Variants in MPRIP observed in about 807,000 individuals in gnomAD.
MPRIP encodes the protein myosin phosphatase Rho-interacting protein.
MPRIP carries 59 observed loss-of-function variants against 234.9 expected under a neutral mutation model. The observed-to-expected ratio is 0.25, with a 90% CI of 0.20 to 0.31. The LOEUF is 0.31. Ranked by LOEUF, MPRIP falls within the 10% of genes least tolerant of loss-of-function variation. MPRIP has a pLI of 1.00. For synonymous variants in MPRIP, 1,144 were observed against 1,263.9 expected (o/e 0.91, Z 2.01); for missense variants, 2,436 against 3,071.0 (o/e 0.79, Z 4.89).
At chr17:17,146,916 T>G (rs1003745055) in intron 10 of MPRIP, among the ~76,000 whole-genome samples, 8 of 152,254 alleles carry the variant, frequency 5.3e-5, no homozygotes, top group Admixed American at 4.6e-4. Flanking sequence ...GGCCATGGCT[T>G]GCGGGCTGCC....
At chr17:17,077,795 C>A in intron 2 of MPRIP, 3 of 506,164 alleles carry the variant, frequency 5.9e-6, no homozygotes, top group Non-Finnish European at 7.2e-6. Flanking sequence ...GCCTCAATCA[C>A]TCATGTGATT....
Position 17,055,425 on chromosome 17 carries a change from A to G in MPRIP, c.123+12454A>G, listed in dbSNP as rs559016514. Among the ~76,000 whole-genome samples, 29 of 152,264 alleles carry G rather than the reference A, an allele frequency of 1.9e-4. No individual in the cohort carries two copies. The South Asian group carries it at 5.8e-3, about 30-fold the overall frequency. Reference sequence around the variant, plus strand: ...TCCCAAATCACTGGGTGGGTGGGAGATCTGGCCAGGACGTTTCGTGGCCCC... The same window carrying G: ...TCCCAAATCACTGGGTGGGTGGGAGGTCTGGCCAGGACGTTTCGTGGCCCC... On this transcript the variant is annotated intron_variant, in intron 1 of 23. Transcript: ENST00000651222.
At chr17:17,053,189 C>T (rs1326094998) in intron 1 of MPRIP, among the ~76,000 whole-genome samples, 2 of 152,082 alleles carry the variant, frequency 1.3e-5, no homozygotes, top group Admixed American at 6.5e-5. Context: ...TCCCACTTTT[C>T]ATTTCAGTGC....
chr17:17,178,923 A>T (rs1024141252), intron 22 of MPRIP, among the ~76,000 whole-genome samples: 2 of 151,578 alleles, frequency 1.3e-5, no homozygotes, highest in African/African-American at 2.4e-5. Flanking sequence ...TGCCTCAAAA[A>T]AAAAAGAAAA....
At chr17:17,147,296 A>G (rs1430866752) in intron 10 of MPRIP, 23 bp from the exon 11 acceptor site, 3 of 1,612,580 alleles carry the variant, frequency 1.9e-6, no homozygotes, top group African/African-American at 2.7e-5. Context: ...TAGTCGAGTC[A>G]TTTTTCTTTT....
chr17:17,183,186 T>G (rs2046408401), intron 23 of MPRIP: 1 of 152,272 alleles, frequency 6.6e-6, no homozygotes, highest in Non-Finnish European at 1.5e-5. Flanking sequence ...CTGTGACAAC[T>G]GCTTGAGGTG....
chr17:17,190,341 C>A lies in MPRIP; in HGVS notation c.*5447C>A, dbSNP rs1329347991. 6.6e-6 allele frequency: 1 copy of A among 152,270 alleles called. No homozygotes were observed. The highest frequency in any genetic ancestry group is 6.5e-5 in the Admixed American group (1 of 15,290). 9.4% of individuals were successfully genotyped at this position (152,270 alleles called of 1,614,324 possible). Reference sequence around the variant, plus strand: ...GCTACGGCAGGTTGTTCTGCAGCCACCCCTTAGAGGGGGCTCTTCGTTTTA... The same window carrying A: ...GCTACGGCAGGTTGTTCTGCAGCCAACCCTTAGAGGGGGCTCTTCGTTTTA... On this transcript the variant is annotated 3_prime_UTR_variant, in exon 24 of 24. Coordinates refer to ENST00000651222, the MANE Select transcript of MPRIP (RefSeq NM_001364716.4).
chr17:17,173,589 A>G (rs1213937954), intron 18 of MPRIP, among the ~76,000 whole-genome samples: 2 of 152,216 alleles, frequency 1.3e-5, no homozygotes, highest in Non-Finnish European at 2.9e-5. Flanking sequence ...GATGGCTTCA[A>G]AAGTGGGTTT....
chr17:17,070,719 C>T (rs1426746815), intron 1 of MPRIP, among the ~76,000 whole-genome samples: 2 of 152,316 alleles, frequency 1.3e-5, no homozygotes, highest in Admixed American at 1.3e-4. Flanking sequence ...TGGGATAATT[C>T]TAGCATGGCT....
intron 3 of MPRIP, among the ~76,000 whole-genome samples, chr17:17,095,741 C>G (rs971107155): frequency 6.6e-6 from 1 of 152,126 alleles, no homozygotes; most frequent in Non-Finnish European, 1.5e-5. Flanking sequence ...TCTGCCTGCC[C>G]TTGTACGGGT....
intron 1 of MPRIP, among the ~76,000 whole-genome samples, chr17:17,070,366 C>T (rs1028185798): frequency 1.6e-4 from 25 of 152,302 alleles, no homozygotes; most frequent in African/African-American, 5.3e-4. Flanking sequence ...CACCCTTCCT[C>T]CTATCCTGCA....
intron 9 of MPRIP, among the ~76,000 whole-genome samples, chr17:17,145,578 C>G (rs1779865692): frequency 6.6e-6 from 1 of 152,236 alleles, no homozygotes; most frequent in African/African-American, 2.4e-5. Flanking sequence ...GCAGCTGCTG[C>G]TTCCTCAACA....
chr17:17,062,912 TGTCTGAGTGCCA>T (rs2088910064), intron 1 of MPRIP, among the ~76,000 whole-genome samples: 1 of 152,254 alleles, frequency 6.6e-6, no homozygotes, highest in Non-Finnish European at 1.5e-5. Flanking sequence ...CGTGTGCTGC[TGTCTGAGTGCCA>T]GCTTTGTCCA....
rs980477067 is a variant in MPRIP, at chr17:17,160,553, T to G, written c.2401-687T>G. Among the ~76,000 whole-genome samples, 3 of 152,042 alleles carry G rather than the reference T, an allele frequency of 2.0e-5. No individual in the cohort carries two copies. The South Asian group carries it at 6.2e-4, about 32-fold the overall frequency. Reference sequence around the variant, plus strand: ...ACCTGGGAGGTGTGTAGGGAAGAGGTGGATGGATGAATGAGTAGCTGAAGC... The same window carrying G: ...ACCTGGGAGGTGTGTAGGGAAGAGGGGGATGGATGAATGAGTAGCTGAAGC... On this transcript the variant is annotated intron_variant, in intron 14 of 23. Coordinates refer to ENST00000651222, the MANE Select transcript of MPRIP (RefSeq NM_001364716.4).
intron 3 of MPRIP, among the ~76,000 whole-genome samples, chr17:17,102,980 A>T (rs982557513): frequency 1.8e-4 from 27 of 152,324 alleles, no homozygotes; most frequent in African/African-American, 6.5e-4. Flanking sequence ...TTGATGCTGC[A>T]TGCAGGCCTC....
chr17:17,047,893 A>G (rs2088405854), intron 1 of MPRIP, among the ~76,000 whole-genome samples: 1 of 152,130 alleles, frequency 6.6e-6, no homozygotes, highest in Non-Finnish European at 1.5e-5. Flanking sequence ...ATAGAGTGAA[A>G]GGAGAGGAAC....
At chr17:17,131,516 C>A in intron 4 of MPRIP, 101 bp from the exon 5 acceptor site, 1 of 937,712 alleles carries the variant, frequency 1.1e-6, no homozygotes, top group Non-Finnish European at 1.7e-6. Flanking sequence ...TCACTGGGGA[C>A]AATGCCCTGC....
intron 1 of MPRIP, among the ~76,000 whole-genome samples, chr17:17,071,884 TCAA>T (rs1337144291): frequency 6.6e-6 from 1 of 152,140 alleles, no homozygotes; most frequent in African/African-American, 2.4e-5. Flanking sequence ...ATCCCCCATG[TCAA>T]CAACAGATAC....
intron 3 of MPRIP, among the ~76,000 whole-genome samples, chr17:17,112,717 G>C (rs928171947): frequency 8.5e-5 from 13 of 152,256 alleles, no homozygotes; most frequent in African/African-American, 3.1e-4. Flanking sequence ...CCTGAGGACA[G>C]GGCTGCAACT....
Sources: allele counts gnomAD v4.1 joint callset (sites outside exome capture counted in the v4.1 genomes callset), GRCh38; gene constraint gnomAD v4.1.1; transcripts MANE v1.5; gene names NCBI Gene and HGNC (gene_info 2026-07-23, HGNC 2026-07-21).